GPC5: variants seen among roughly 807,000 people sequenced by gnomAD.
GPC5 encodes glypican-5.
GPC5 carries 47 observed loss-of-function variants against 53.9 expected under a neutral mutation model. The ratio of observed to expected loss-of-function variants is 0.87; its 90% CI spans 0.69 to 1.11. The LOEUF is 1.11. GPC5 is among the 50% of genes most tolerant of loss of function. The pLI is 0.00. For synonymous variants in GPC5, 286 were observed against 263.3 expected (o/e 1.09, Z -0.84); for missense variants, 748 against 713.1 (o/e 1.05, Z -0.56).
intron 6 of GPC5, among the ~76,000 whole-genome samples, chr13:92,028,311 G>A (rs934653104): frequency 2.6e-5 from 4 of 151,992 alleles, no homozygotes; most frequent in African/African-American, 9.7e-5. Flanking sequence ...GAAACAGCAG[G>A]TCCAGCTGTT....
At chr13:92,097,575 T>C (rs1211006100) in intron 6 of GPC5, among the ~76,000 whole-genome samples, 1 of 152,154 alleles carries the variant, frequency 6.6e-6, no homozygotes, top group Non-Finnish European at 1.5e-5. Context: ...AAACTAAAAA[T>C]AGAGATAAGA....
chr13:92,627,402 TTCA>T (rs1473865508), intron 7 of GPC5, among the ~76,000 whole-genome samples: 1 of 152,228 alleles, frequency 6.6e-6, no homozygotes, highest in East Asian at 1.9e-4. Flanking sequence ...TACACAGCTT[TTCA>T]TCATCAAGTT....
At chr13:92,064,544 G>A (rs2138857114) in intron 6 of GPC5, among the ~76,000 whole-genome samples, 2 of 152,098 alleles carry the variant, frequency 1.3e-5, no homozygotes, top group South Asian at 4.1e-4. Flanking sequence ...GATCACAAGG[G>A]CAGGGTTTCG....
intron 7 of GPC5, among the ~76,000 whole-genome samples, chr13:92,835,938 T>C (rs1234610124): frequency 6.6e-6 from 1 of 151,954 alleles, no homozygotes; most frequent in Admixed American, 6.6e-5. Context: ...TTACAGTGAG[T>C]CTGAACATTT....
chr13:92,750,743 G>C (rs888283138), intron 7 of GPC5, among the ~76,000 whole-genome samples: 1 of 152,142 alleles, frequency 6.6e-6, no homozygotes, highest in Non-Finnish European at 1.5e-5. Context: ...AGTTCATTCT[G>C]AGTTAAGCAC....
Position 91,768,604 on chromosome 13 carries a change from A to G in GPC5, c.1280+12184A>G, listed in dbSNP as rs188042029. 1.2e-3 allele frequency among the ~76,000 whole-genome samples: 180 copies of G among 152,298 alleles called. 3 individuals are homozygous for G. The highest frequency in any genetic ancestry group is 4.1e-3 in the African/African-American group (170 of 41,578). The stretch of plus-strand genomic sequence containing the variant: ...ATTCAGAAAAATGAAAAGTATAATT[A>G]TATGTGTGAAATATTGTTCATTTTT... On this transcript the variant is annotated intron_variant, in intron 5 of 7. Transcript: ENST00000377067.
At chr13:91,566,982 T>A (rs930565777) in intron 2 of GPC5, among the ~76,000 whole-genome samples, 1 of 150,472 alleles carries the variant, frequency 6.6e-6, no homozygotes, top group African/African-American at 2.5e-5. Flanking sequence ...CATTTAGCAG[T>A]GACTGGGAAA....
At chr13:92,487,358 C>A (rs977103834) in intron 7 of GPC5, among the ~76,000 whole-genome samples, 3 of 152,132 alleles carry the variant, frequency 2.0e-5, no homozygotes, top group Non-Finnish European at 4.4e-5. Context: ...ATACAACTGT[C>A]ACTGGCACTG....
chr13:92,737,887 CT>C (rs1888982816), intron 7 of GPC5, among the ~76,000 whole-genome samples: 1 of 150,944 alleles, frequency 6.6e-6, no homozygotes, highest in Admixed American at 6.6e-5. Context: ...CTGCCTCAGC[CT>C]GCTGTGTAGC....
chr13:92,645,995 C>T lies in GPC5; in HGVS notation c.1562-220287C>T, dbSNP rs1477945774. ...GGATTATCTTTTAATTTTCTTAATG[C>T]TGATTTTTAAGACCAGAGTTCTTAA... On this transcript the variant is annotated intron_variant, in intron 7 of 7. Coordinates refer to ENST00000377067, the MANE Select transcript of GPC5 (RefSeq NM_004466.6). Among the ~76,000 whole-genome samples, 109 of 151,898 alleles carry T rather than the reference C, an allele frequency of 7.2e-4. 1 individual carries two copies. Among genetic ancestry groups the T allele is most frequent in the Admixed American group, 7.0e-3 (107 of 15,248 alleles).
intron 2 of GPC5, among the ~76,000 whole-genome samples, chr13:91,586,584 AGAGAGAGG>A (rs2032603450): frequency 8.2e-6 from 1 of 122,288 alleles, no homozygotes; most frequent in South Asian, 2.7e-4. Flanking sequence ...AGAGAGAGAG[AGAGAGAGG>A]GAGAGGAAGT....
chr13:91,652,065 C>T (rs73609971), intron 2 of GPC5, among the ~76,000 whole-genome samples: 9,872 of 152,204 alleles, frequency 0.065, 1,079 homozygotes, highest in African/African-American at 0.22. Context: ...AACACTGCTT[C>T]AAATATTGTC....
chr13:91,775,522 A>G (rs1355481255), intron 5 of GPC5, among the ~76,000 whole-genome samples: 1 of 152,078 alleles, frequency 6.6e-6, no homozygotes, highest in Non-Finnish European at 1.5e-5. Context: ...CTGCACCTCT[A>G]TATTTCTCTT....
intron 2 of GPC5, among the ~76,000 whole-genome samples, chr13:91,556,522 G>GTATA (rs202160698): frequency 0.13 from 18,624 of 147,414 alleles, 1,302 homozygotes; most frequent in East Asian, 0.2. Context: ...TGCAGTATGT[G>GTATA]TATATATATA....
At chr13:91,411,023 C>T (rs921639888) in intron 1 of GPC5, among the ~76,000 whole-genome samples, 5 of 152,106 alleles carry the variant, frequency 3.3e-5, no homozygotes, top group Admixed American at 3.3e-4. Flanking sequence ...GCAGGAGAAT[C>T]GCTTGAACCT....
At chr13:91,614,421 T>C (rs929279210) in intron 2 of GPC5, among the ~76,000 whole-genome samples, 1 of 152,154 alleles carries the variant, frequency 6.6e-6, no homozygotes, top group Non-Finnish European at 1.5e-5. Flanking sequence ...TCCCTCCGCC[T>C]CCTTAGCTCA....
At chr13:92,511,028 T>A (rs1880544168) in intron 7 of GPC5, among the ~76,000 whole-genome samples, 1 of 152,214 alleles carries the variant, frequency 6.6e-6, no homozygotes, top group Non-Finnish European at 1.5e-5. Context: ...AATTAAAACC[T>A]TTGTTAATAT....
chr13:91,812,365 A>G (rs1056870422), intron 5 of GPC5, among the ~76,000 whole-genome samples: 1 of 152,186 alleles, frequency 6.6e-6, no homozygotes, highest in Non-Finnish European at 1.5e-5. Flanking sequence ...AAACACTGCT[A>G]GGAAAATGAA....
At chr13:91,994,279 A>T (rs1164765551) in intron 6 of GPC5, among the ~76,000 whole-genome samples, 1 of 152,234 alleles carries the variant, frequency 6.6e-6, no homozygotes, top group Non-Finnish European at 1.5e-5. Context: ...TAACACATGC[A>T]CTTACCCCCT....
Sources: gnomAD v4.1 joint callset for allele counts (sites outside exome capture counted in the v4.1 genomes callset) on GRCh38, gnomAD v4.1.1 for gene constraint, MANE v1.5 for transcripts, NCBI Gene and HGNC (gene_info 2026-07-23, HGNC 2026-07-21) for gene names.